The following BRCA1 variants were observed in gnomAD, a reference collection of about 807,000 sequenced individuals.
BRCA1 encodes BRCA1 DNA repair associated.
BRCA1 carries 140 observed loss-of-function variants against 173.7 expected under a neutral mutation model. The observed-to-expected ratio is 0.81, with a 90% CI of 0.70 to 0.93. The LOEUF (loss-of-function observed/expected upper bound fraction) is 0.93, where lower values mean the gene tolerates loss of function less well. BRCA1 is among the 40% of genes least tolerant of loss of function. The pLI, the probability that BRCA1 is intolerant of heterozygous loss-of-function variation, is 0.00. For missense variants in BRCA1, 1,983 were observed against 2,172.5 expected, an observed-to-expected ratio of 0.91 and a Z score of 1.73; for synonymous variants, 662 against 756.0, an observed-to-expected ratio of 0.88 and a Z score of 2.04.
At chr17:43,101,792 A>G (rs941166118) in intron 6 of BRCA1, among the ~76,000 whole-genome samples, 31 of 152,030 alleles carry the variant, frequency 2.0e-4, no homozygotes, top group African/African-American at 7.2e-4. Context: ...GCAAGCTACT[A>G]CGCCCAGCCC....
rs1388998083 is a variant in BRCA1, at chr17:43,074,313, C to T, written c.4675+18G>A. ...TAAAATCAAAGTGTTTGTTCCAATACAGCAGATGAAATATTACCTAGATCT... is the reference window on the plus strand; with the variant it reads ...TAAAATCAAAGTGTTTGTTCCAATATAGCAGATGAAATATTACCTAGATCT... On this transcript the variant is annotated intron_variant, in intron 14 of 22. Coordinates refer to ENST00000357654, the MANE Select transcript of BRCA1 (RefSeq NM_007294.4). The T allele has an allele frequency of 1.2e-6, 2 of 1,613,406 alleles. No individual in the cohort carries two copies. Among genetic ancestry groups the T allele is most frequent in the Admixed American group, 3.3e-5 (2 of 59,992 alleles).
At position 43,093,899 on chromosome 17, in the gene BRCA1, T is replaced by C. The variant is rs876658401; in HGVS notation, c.1632A>G (p.Gln544=). 1 of 1,614,016 alleles carries C rather than the reference T, an allele frequency of 6.2e-7. No homozygotes were observed. Among genetic ancestry groups the C allele is most frequent in the Non-Finnish European group, 8.5e-7 (1 of 1,179,990 alleles). Reference sequence around the variant, plus strand: ...GACCACTATTAGTAATATTCATCACTTGACCATTCTGCTCCGTTTGGTTAG... The same window carrying C: ...GACCACTATTAGTAATATTCATCACCTGACCATTCTGCTCCGTTTGGTTAG... ...QGTNQTEQNG[Q]VMNITNSGHE... Residue 544 remains glutamine (Q), a synonymous_variant, in exon 10 of 23, where the codon CAA becomes CAG. Coordinates refer to ENST00000357654, the MANE Select transcript of BRCA1 (RefSeq NM_007294.4).
intron 1 of BRCA1, among the ~76,000 whole-genome samples, chr17:43,157,233 A>C (rs2056203018): frequency 6.6e-6 from 1 of 152,226 alleles, no homozygotes; most frequent in African/African-American, 2.4e-5. Context: ...ACAGGCTGAA[A>C]AACTTACCTA....
At chr17:43,111,429 A>G (rs1464663364) in intron 3 of BRCA1, among the ~76,000 whole-genome samples, 4 of 152,038 alleles carry the variant, frequency 2.6e-5, no homozygotes, top group Non-Finnish European at 5.9e-5. Flanking sequence ...CTGAGGCAGG[A>G]GATTTGCTTG....
chr17:43,118,089 G>A (rs762363239), intron 2 of BRCA1, among the ~76,000 whole-genome samples: 3 of 152,044 alleles, frequency 2.0e-5, no homozygotes, highest in Non-Finnish European at 4.4e-5. Flanking sequence ...ATGTACATGG[G>A]GGGAGTCAGG....
At chr17:43,049,030 T>A in intron 21 of BRCA1, 91 bp downstream of exon 21, 1 of 1,242,074 alleles carries the variant, frequency 8.1e-7, no homozygotes, top group Non-Finnish European at 1.2e-6. Flanking sequence ...GAGGCTACAG[T>A]AGGGGCATCC....
chr17:43,085,243 T>A (rs1325506263), intron 11 of BRCA1, among the ~76,000 whole-genome samples: 10 of 151,984 alleles, frequency 6.6e-5, no homozygotes, highest in Non-Finnish European at 1.3e-4. Flanking sequence ...ATCCTGGCCA[T>A]CACAGTGAAA....
intron 1 of BRCA1, chr17:43,148,288 CAA>C (rs113187432): frequency 9.3e-4 from 134 of 143,626 alleles, no homozygotes; most frequent in South Asian, 3.0e-3. Flanking sequence ...AACTCCATCT[CAA>C]AAAAAAAAAA....
chr17:43,149,411 T>G (rs11649926), intron 1 of BRCA1, among the ~76,000 whole-genome samples: 45,333 of 151,582 alleles, frequency 0.3, 7,326 homozygotes, highest in South Asian at 0.49. Context: ...ATTTTTGTAT[T>G]TTTAGTAGAG....
intron 14 of BRCA1, among the ~76,000 whole-genome samples, chr17:43,073,064 G>A (rs1188734629): frequency 6.6e-6 from 1 of 151,728 alleles, no homozygotes; most frequent in Admixed American, 6.6e-5. Context: ...TGGTGAAGTG[G>A]CTCACACCTA....
chr17:43,136,200 A>G (rs2056021785), intron 1 of BRCA1, among the ~76,000 whole-genome samples: 1 of 152,248 alleles, frequency 6.6e-6, no homozygotes, highest in African/African-American at 2.4e-5. Flanking sequence ...TTCCCTATTT[A>G]ATAAATGGCA....
At chr17:43,053,319 T>C (rs1281826540) in intron 19 of BRCA1, among the ~76,000 whole-genome samples, 1 of 152,196 alleles carries the variant, frequency 6.6e-6, no homozygotes, top group Non-Finnish European at 1.5e-5. Context: ...GGAATGTTTA[T>C]ATCCAGGCTA....
intron 3 of BRCA1, among the ~76,000 whole-genome samples, chr17:43,112,843 G>A (rs1203976724): frequency 9.4e-5 from 14 of 149,414 alleles, no homozygotes; most frequent in African/African-American, 4.9e-5. Context: ...CACTCTTGTC[G>A]CCCAGGCTGG....
intron 2 of BRCA1, among the ~76,000 whole-genome samples, chr17:43,117,920 TAGC>T (rs1460151354): frequency 2.0e-5 from 3 of 152,326 alleles, no homozygotes; most frequent in East Asian, 1.9e-4. Flanking sequence ...GATAGAAATG[TAGC>T]AGTTTACAAA....
chr17:43,076,872 T>A (rs1234363388), intron 12 of BRCA1, among the ~76,000 whole-genome samples: 1 of 151,834 alleles, frequency 6.6e-6, no homozygotes, highest in Admixed American at 6.6e-5. Flanking sequence ...GACACCCAGC[T>A]GAGACAAGGC....
chr17:43,144,860 G>A (rs1415805606), intron 1 of BRCA1: 9 of 511,094 alleles, frequency 1.8e-5, no homozygotes, highest in African/African-American at 5.8e-5. Flanking sequence ...CTCCGGTGGC[G>A]GGAGGAGTGG....
intron 4 of BRCA1, among the ~76,000 whole-genome samples, chr17:43,105,844 A>G (rs1476143684): frequency 1.3e-5 from 2 of 152,300 alleles, no homozygotes; most frequent in Admixed American, 1.3e-4. Context: ...GTTTGTGTAA[A>G]TAATTAGATA....
At chr17:43,123,224 A>AT (rs1358862566) in intron 2 of BRCA1, among the ~76,000 whole-genome samples, 3 of 151,590 alleles carry the variant, frequency 2.0e-5, no homozygotes, top group Middle Eastern at 3.2e-3. Context: ...GAGATCCTAT[A>AT]TAAAAAAAAA....
chr17:43,125,023 C>T (rs1597925199), intron 1 of BRCA1: 1 of 405,902 alleles, frequency 2.5e-6, no homozygotes, highest in Non-Finnish European at 5.0e-6. Flanking sequence ...CCCCTCAAGG[C>T]ATATTCCAGT....
Sources: allele counts gnomAD v4.1 joint callset (sites outside exome capture counted in the v4.1 genomes callset), GRCh38; gene constraint gnomAD v4.1.1; transcripts MANE v1.5; gene names NCBI Gene and HGNC (gene_info 2026-07-23, HGNC 2026-07-21).